Variants in NRDC observed in about 807,000 individuals in gnomAD.
NRDC encodes the protein nardilysin.
In NRDC, 54 loss-of-function variants were observed where a neutral mutation model predicts 147.1. The observed-to-expected ratio is 0.37, with a 90% CI of 0.29 to 0.46. NRDC has a LOEUF of 0.46. NRDC is among the 20% of genes least tolerant of loss of function. The pLI is 1.00. For synonymous variants in NRDC, 440 were observed against 482.1 expected (o/e 0.91, Z 1.14); for missense variants, 1,082 against 1,370.6 (o/e 0.79, Z 3.33).
At chr1:51,865,568 G>A (rs2124101565) in intron 1 of NRDC, among the ~76,000 whole-genome samples, 1 of 152,088 alleles carries the variant, frequency 6.6e-6, no homozygotes, top group South Asian at 2.1e-4. Flanking sequence ...TTCCCAAAGT[G>A]CTGGAATTAC....
chr1:51,799,270 T>C (rs953352337), intron 21 of NRDC: 32 of 152,296 alleles, frequency 2.1e-4, no homozygotes, highest in African/African-American at 7.2e-4. Flanking sequence ...TAGGTATACA[T>C]GTACCATGTT....
chr1:51,855,104 C>T (rs79938136), intron 1 of NRDC, among the ~76,000 whole-genome samples: 1 of 152,224 alleles, frequency 6.6e-6, no homozygotes, highest in Non-Finnish European at 1.5e-5. Context: ...CTATACACCA[C>T]TGCTTCAAGA....
At chr1:51,871,327 T>C (rs755030788) in intron 1 of NRDC, among the ~76,000 whole-genome samples, 1 of 151,458 alleles carries the variant, frequency 6.6e-6, no homozygotes, top group Non-Finnish European at 1.5e-5. Context: ...AGTCAATCAA[T>C]TTCTCACTCT....
chr1:51,805,548 G>A lies in NRDC; in HGVS notation c.2124C>T (p.Phe708=), dbSNP rs752645985. 8 of 1,587,198 alleles carry A rather than the reference G, an allele frequency of 5.0e-6. No individual in the cohort carries two copies. The highest frequency in any genetic ancestry group is 6.8e-6 in the Non-Finnish European group (8 of 1,170,954). Residue 708 remains phenylalanine, a synonymous_variant, in exon 19 of 31, where the codon TTC becomes TTT. Coordinates refer to ENST00000352171, the MANE Select transcript of NRDC (RefSeq NM_001101662.2). ...KFKIPKAYIR[F]HLISPLIQKS... ...TCTGTATCAACGGTGAAATTAGATG[G>A]AAACGTATATATGCTAAAAGAAAAA...
chr1:51,808,856 CTT>C (rs1277808708), intron 17 of NRDC, among the ~76,000 whole-genome samples: 1 of 152,200 alleles, frequency 6.6e-6, no homozygotes, highest in Non-Finnish European at 1.5e-5. Flanking sequence ...CAATGAAACA[CTT>C]TGCTATTTTC....
At chr1:51,819,728 G>A (rs1259740672) in intron 9 of NRDC, 72 bp downstream of exon 9, 2 of 1,172,476 alleles carry the variant, frequency 1.7e-6, no homozygotes, top group South Asian at 1.4e-5. Flanking sequence ...AATGAAAATT[G>A]GCAGCTTCAA....
rs754614666 is a variant in NRDC at position 51,875,617 on chromosome 1, G to GA, written c.341+2657_341+2658insT. On this transcript the variant is annotated intron_variant, in intron 1 of 30. Coordinates refer to ENST00000352171, the MANE Select transcript of NRDC (RefSeq NM_001101662.2). ...ACTGCCACCCAGGCTGGAGTGCAGT[G>GA]GCACGATCATGGCTCACTGCAGCCT... Among the ~76,000 whole-genome samples the GA allele has an allele frequency of 5.4e-3, 819 of 152,258 alleles. 1 individual carries two copies. Among genetic ancestry groups the GA allele is most frequent in the Non-Finnish European group, 8.6e-3 (582 of 68,020 alleles).
intron 26 of NRDC, 70 bp downstream of exon 26, chr1:51,791,976 T>C (rs1571834292): frequency 6.8e-7 from 1 of 1,476,348 alleles, no homozygotes; most frequent in East Asian, 2.3e-5. Flanking sequence ...AGTAGGGATA[T>C]CTGATGAACA....
intron 1 of NRDC, among the ~76,000 whole-genome samples, chr1:51,865,119 T>C (rs962318412): frequency 6.6e-6 from 1 of 152,050 alleles, no homozygotes; most frequent in Non-Finnish European, 1.5e-5. Context: ...TTGCAACTCA[T>C]ATAATCGACA....
intron 1 of NRDC, among the ~76,000 whole-genome samples, chr1:51,841,304 A>T (rs1681253923): frequency 6.7e-6 from 1 of 149,586 alleles, no homozygotes; most frequent in Admixed American, 6.7e-5. Flanking sequence ...ATTTACACTA[A>T]TTTTTTTTTT....
chr1:51,846,170 G>A (rs112984929), intron 1 of NRDC, among the ~76,000 whole-genome samples: 2,319 of 151,742 alleles, frequency 0.015, 64 homozygotes, highest in African/African-American at 0.053. Context: ...GGAGTGCAGT[G>A]GTGCCGTCTC....
chr1:51,806,713 G>C, intron 18 of NRDC, 81 bp downstream of exon 18: 1 of 1,413,054 alleles, frequency 7.1e-7, no homozygotes, highest in Non-Finnish European at 9.7e-7. Context: ...AAAATAGCAA[G>C]TAGATAATCA....
intron 1 of NRDC, among the ~76,000 whole-genome samples, chr1:51,871,730 C>T (rs1247927790): frequency 6.6e-6 from 1 of 151,986 alleles, no homozygotes; most frequent in Admixed American, 6.6e-5. Context: ...CTTTACATAT[C>T]CCTATTCTAG....
At chr1:51,872,227 T>A (rs1683119861) in intron 1 of NRDC, among the ~76,000 whole-genome samples, 1 of 152,184 alleles carries the variant, frequency 6.6e-6, no homozygotes, top group African/African-American at 2.4e-5. Flanking sequence ...AGGCAGGTGA[T>A]CTTCCTGCCT....
intron 16 of NRDC, 74 bp downstream of exon 16, chr1:51,810,207 A>T: frequency 1.7e-6 from 2 of 1,192,844 alleles, no homozygotes; most frequent in Non-Finnish European, 1.2e-6. Context: ...TAGAACCATT[A>T]AATTATTAAA....
intron 1 of NRDC, among the ~76,000 whole-genome samples, chr1:51,873,917 G>A (rs191124985): frequency 4.5e-4 from 69 of 151,884 alleles, no homozygotes; most frequent in African/African-American, 1.5e-3. Flanking sequence ...GACAGGGCGT[G>A]GTAGCTCACA....
chr1:51,791,905 C>A lies in NRDC; in HGVS notation c.2876+141G>T, dbSNP rs1346479539. 1.1e-5 allele frequency: 10 copies of A among 905,312 alleles called. No individual in the cohort carries two copies. In the East Asian group the frequency reaches 2.3e-4, roughly 21 times the overall value. The allele number at this position is 905,312 out of a possible 1,614,324, so 56.1% of individuals were successfully genotyped here. On this transcript the variant is annotated intron_variant, in intron 26 of 30. Transcript: ENST00000352171. ...TGATTACAGTCAAAGATACAAATTC[C>A]AAAAGTTTGGATGACTAAATATCAC...
At position 51,868,442 on chromosome 1, in the gene NRDC, G is replaced by C. The variant is rs559567424; in HGVS notation, c.341+9833C>G. The stretch of plus-strand genomic sequence containing the variant: ...CGTTAAGAACAAAATAGAAGGCCTT[G>C]GACATTACCTGCCATTATGAGAAGT... On this transcript the variant is annotated intron_variant, in intron 1 of 30. Coordinates refer to ENST00000352171, the MANE Select transcript of NRDC (RefSeq NM_001101662.2). 9.9e-5 allele frequency among the ~76,000 whole-genome samples: 15 copies of C among 152,184 alleles called. 1 individual carries two copies. The highest frequency in any genetic ancestry group is 4.1e-4 in the South Asian group (2 of 4,826).
intron 18 of NRDC, among the ~76,000 whole-genome samples, chr1:51,806,023 T>C (rs1049768147): frequency 1.3e-5 from 2 of 152,136 alleles, no homozygotes; most frequent in Non-Finnish European, 2.9e-5. Context: ...AGCTACAATA[T>C]AGTTGTGTTT....
Sources: gnomAD v4.1 joint callset for allele counts (sites outside exome capture counted in the v4.1 genomes callset) on GRCh38, gnomAD v4.1.1 for gene constraint, MANE v1.5 for transcripts, NCBI Gene and HGNC (gene_info 2026-07-23, HGNC 2026-07-21) for gene names.